SEL1L: variants seen among roughly 807,000 people sequenced by gnomAD.
The protein encoded by SEL1L is SEL1L adaptor subunit of SYVN1 ubiquitin ligase.
A neutral mutation model predicts 109.8 loss-of-function variants in SEL1L; 52 were observed. The observed-to-expected ratio is 0.47, with a 90% CI of 0.38 to 0.60. The LOEUF (loss-of-function observed/expected upper bound fraction) is 0.60, where lower values mean the gene tolerates loss of function less well. Ranked by LOEUF, SEL1L falls within the 20% of genes least tolerant of loss-of-function variation. SEL1L has a pLI of 0.00. For missense variants in SEL1L, 749 were observed against 962.2 expected, an observed-to-expected ratio of 0.78 and a Z score of 2.93; for synonymous variants, 373 against 339.6, an observed-to-expected ratio of 1.10 and a Z score of -1.08.
chr14:81,492,028 A>ATT (rs201879142), intron 12 of SEL1L, among the ~76,000 whole-genome samples: 1 of 146,378 alleles, frequency 6.8e-6, no homozygotes, highest in Non-Finnish European at 1.5e-5. Context: ...AGCAAACACT[A>ATT]TTTTTTTTTT....
intron 1 of SEL1L, 31 bp downstream of exon 1, chr14:81,533,644 G>A (rs756332290): frequency 1.2e-6 from 2 of 1,603,604 alleles, no homozygotes; most frequent in Non-Finnish European, 1.7e-6. Context: ...CGGAGGCTCT[G>A]GGCCTTCAGC....
intron 3 of SEL1L, among the ~76,000 whole-genome samples, chr14:81,518,600 C>T (rs1595532177): frequency 1.4e-5 from 2 of 141,898 alleles, no homozygotes; most frequent in African/African-American, 5.4e-5. Context: ...GCGAAGGTTG[C>T]AGTGAGCAGA....
At position 81,498,846 on chromosome 14, in the gene SEL1L, T is replaced by A. The variant is rs576100004; in HGVS notation, c.892-352A>T. ...CATAATTTTATTAAAAATGAGTTAA[T>A]CTTCCAAATTAGCAAAGAAAAAGTA... is the stretch of plus-strand genomic sequence containing the variant. On this transcript the variant is annotated intron_variant, in intron 8 of 20. Coordinates refer to ENST00000336735, the MANE Select transcript of SEL1L (RefSeq NM_005065.6). 25 of 169,498 alleles carry A rather than the reference T, an allele frequency of 1.5e-4. No homozygotes were observed. The East Asian group carries it at 3.9e-3, about 26-fold the overall frequency. 10.5% of individuals were successfully genotyped at this position (169,498 alleles called of 1,614,324 possible).
Position 81,479,692 on chromosome 14 carries a change from G to T in SEL1L, c.2095C>A (p.Pro699Thr), listed in dbSNP as rs1426365164. The T allele has an allele frequency of 1.2e-6, 2 of 1,614,022 alleles. No homozygotes were observed. The highest frequency in any genetic ancestry group is 8.5e-7 in the Non-Finnish European group (1 of 1,179,942). ...RFYDMAAEAS[P>T]DAQVPVFLAL... The stretch of plus-strand genomic sequence containing the variant: ...AGGAAGACTGGAACTTGTGCATCTG[G>T]GCTGGCTTCAGCTGCCATGTCATAA... Residue 699 changes from proline (P) to threonine (T), a missense_variant, in exon 20 of 21, where the codon CCA becomes ACA. Physicochemically the swap from Pro to Thr is conservative, Grantham distance 38. Transcript: ENST00000336735.
At chr14:81,495,652 C>T (rs756620219) in intron 10 of SEL1L, among the ~76,000 whole-genome samples, 2 of 151,734 alleles carry the variant, frequency 1.3e-5, no homozygotes, top group Admixed American at 1.3e-4. Context: ...AAACAAAAAA[C>T]GGGCTAGGCA....
At chr14:81,495,384 A>G (rs1883702321) in intron 10 of SEL1L, among the ~76,000 whole-genome samples, 1 of 152,228 alleles carries the variant, frequency 6.6e-6, no homozygotes, top group African/African-American at 2.4e-5. Context: ...CACGCCTGTA[A>G]CCTCAACACT....
At position 81,502,809 on chromosome 14, in the gene SEL1L, A is replaced by AAAAGAGCATATG; in HGVS notation, c.677_688dup (p.Ser226_Leu229dup). Reference sequence around the variant, plus strand: ...ATTCTGTGGCAAGTAATCACCAAATAAAAGAGCATATGACACTCTCTCCAG... The same window carrying AAAAGAGCATATG: ...ATTCTGTGGCAAGTAATCACCAAATAAAAGAGCATATGAAAGAGCATATGACACTCTCTCCAG... On this transcript the variant is annotated inframe_insertion, in exon 6 of 21. Transcript: ENST00000336735. 6.2e-7 allele frequency: 1 copy of AAAAGAGCATATG among 1,614,164 alleles called. No homozygotes were observed. Among genetic ancestry groups the AAAAGAGCATATG allele is most frequent in the Non-Finnish European group, 8.5e-7 (1 of 1,179,992 alleles).
At chr14:81,526,462 A>G (rs1885118122) in intron 3 of SEL1L, among the ~76,000 whole-genome samples, 1 of 152,206 alleles carries the variant, frequency 6.6e-6, no homozygotes, top group Non-Finnish European at 1.5e-5. Context: ...ATGTATTTAC[A>G]TACTTGATTC....
At position 81,530,632 on chromosome 14, in the gene SEL1L, A is replaced by G. The variant is rs572174912; in HGVS notation, c.71-2894T>C. 4.6e-5 allele frequency among the ~76,000 whole-genome samples: 7 copies of G among 152,382 alleles called. No individual in the cohort carries two copies. The South Asian group carries it at 1.4e-3, about 32-fold the overall frequency. ...AAAGCATGCATTTGTGAGAAAAATTATAACCTTTTCACTATTATCCTGAGA... is the reference window on the plus strand; with the variant it reads ...AAAGCATGCATTTGTGAGAAAAATTGTAACCTTTTCACTATTATCCTGAGA... On this transcript the variant is annotated intron_variant, in intron 1 of 20. Coordinates refer to ENST00000336735, the MANE Select transcript of SEL1L (RefSeq NM_005065.6).
At chr14:81,487,774 T>C in intron 15 of SEL1L, 81 bp downstream of exon 15, 1 of 1,579,996 alleles carries the variant, frequency 6.3e-7, no homozygotes, top group Non-Finnish European at 8.6e-7. Flanking sequence ...TAGCACCCAT[T>C]TCCACATCAT....
chr14:81,486,279 T>C lies in SEL1L; in HGVS notation c.1798+10A>G. The C allele has an allele frequency of 1.2e-6, 2 of 1,613,754 alleles. No individual in the cohort carries two copies. Among genetic ancestry groups the C allele is most frequent in the East Asian group, 2.2e-5 (1 of 44,878 alleles). Reference sequence around the variant, plus strand: ...TTCTAAACCTAAGGCAGGACTAAAATGAACCTTACTCTGATCAAGAATAAA... The same window carrying C: ...TTCTAAACCTAAGGCAGGACTAAAACGAACCTTACTCTGATCAAGAATAAA... On this transcript the variant is annotated intron_variant, in intron 17 of 20. Transcript: ENST00000336735.
chr14:81,503,510 T>A (rs572108447), intron 5 of SEL1L, among the ~76,000 whole-genome samples: 1 of 151,552 alleles, frequency 6.6e-6, no homozygotes, highest in East Asian at 1.9e-4. Flanking sequence ...GGCTAATTTT[T>A]AAATTTTTTT....
intron 20 of SEL1L, among the ~76,000 whole-genome samples, chr14:81,478,612 G>GT (rs1903247455): frequency 6.6e-6 from 1 of 152,178 alleles, no homozygotes; most frequent in Admixed American, 6.5e-5. Context: ...ATTGGCAGCG[G>GT]TTACAGCACA....
intron 18 of SEL1L, 38 bp downstream of exon 18, chr14:81,485,634 C>A: frequency 1.3e-6 from 2 of 1,532,776 alleles, no homozygotes; most frequent in Non-Finnish European, 1.8e-6. Context: ...ATAGGGAGGT[C>A]CCTGGGTGAA....
At chr14:81,481,064 C>T (rs1595501801) in intron 19 of SEL1L, among the ~76,000 whole-genome samples, 3 of 152,126 alleles carry the variant, frequency 2.0e-5, no homozygotes, top group Admixed American at 1.3e-4. Flanking sequence ...GAGAAGGCTC[C>T]TTTATTGACT....
Position 81,489,292 on chromosome 14 carries a change from C to G in SEL1L, c.1355G>C (p.Gly452Ala). Residue 452 changes from glycine (G) to alanine (A), a missense_variant, in exon 14 of 21, where the codon GGG becomes GCG. Physicochemically the swap from Gly to Ala is moderately conservative, Grantham distance 60. Around this residue, in one of 2 missense-constraint regions of SEL1L, gnomAD observed 383 missense variants for 562.5 expected, o/e 0.68. Transcript: ENST00000336735. Reference protein sequence around the residue: ...ADMGNPVGQSGLGMAYLYGRG... With the variant: ...ADMGNPVGQSALGMAYLYGRG... ...CCCATAGAGGTAGGCCATTCCAAGC[C>G]CACTCTGTCCAACTGGGTTGCCCTG... The G allele has an allele frequency of 6.2e-7, 1 of 1,614,098 alleles. No homozygotes were observed. The highest frequency in any genetic ancestry group is 1.1e-5 in the South Asian group (1 of 91,074).
chr14:81,521,149 AG>A (rs1223488246), intron 3 of SEL1L, among the ~76,000 whole-genome samples: 1 of 152,222 alleles, frequency 6.6e-6, no homozygotes, highest in African/African-American at 2.4e-5. Context: ...AATTTGAACT[AG>A]AAGTTATCGG....
chr14:81,476,231 G>A lies in SEL1L; in HGVS notation c.*741C>T, dbSNP rs1472148216. On this transcript the variant is annotated 3_prime_UTR_variant, in exon 21 of 21. Coordinates refer to ENST00000336735, the MANE Select transcript of SEL1L (RefSeq NM_005065.6). ...TACAGAGTAGGTGGGGCAAACTCGC[G>A]TTAGTGCAAGGAGTCAGTTCACAAG... The A allele has an allele frequency of 2.0e-5, 3 of 152,150 alleles. No individual in the cohort carries two copies. The highest frequency in any genetic ancestry group is 4.4e-5 in the Non-Finnish European group (3 of 68,038). 9.4% of individuals were successfully genotyped at this position (152,150 alleles called of 1,614,324 possible). A position where few individuals can be genotyped will look rare whatever the true frequency, so the allele number is the denominator to read the frequency against.
In SEL1L at chr14:81,479,727, G is replaced by A; in HGVS notation, c.2060C>T (p.Ala687Val). 3.1e-6 allele frequency: 5 copies of A among 1,612,998 alleles called. No homozygotes were observed. Among genetic ancestry groups the A allele is most frequent in the Non-Finnish European group, 3.4e-6 (4 of 1,179,604 alleles). ...GLGIKQDIHL[A>V]KRFYDMAAEA... ...AGCTGCCATGTCATAAAAACGTTTCGCAAGGTGAATATCCTATAATACAGG... is the reference window on the plus strand; with the variant it reads ...AGCTGCCATGTCATAAAAACGTTTCACAAGGTGAATATCCTATAATACAGG... Residue 687 changes from alanine (A) to valine (V), a missense_variant, in exon 20 of 21, where the codon GCG (alanine) becomes GTG (valine). Ala to Val is a moderately conservative substitution (Grantham distance 64, BLOSUM62 0). This residue lies in a region of SEL1L where 383 missense variants were observed against 562.5 expected (regional missense o/e 0.68). Coordinates refer to ENST00000336735, the MANE Select transcript of SEL1L (RefSeq NM_005065.6).
Sources: allele counts gnomAD v4.1 joint callset (sites outside exome capture counted in the v4.1 genomes callset), GRCh38; gene constraint gnomAD v4.1.1; regional missense constraint gnomAD v4.1.1; transcripts MANE v1.5; gene names NCBI Gene and HGNC (gene_info 2026-07-23, HGNC 2026-07-21).